The following FGGY variants were observed in gnomAD, a reference collection of about 807,000 sequenced individuals.
FGGY encodes FGGY carbohydrate kinase domain containing, also known as FGGY carbohydrate kinase domain-containing protein.
Under a neutral mutation model 71.3 loss-of-function variants are expected in FGGY, and 72 were observed. That is an observed-to-expected ratio of 1.01 (90% confidence interval 0.84 to 1.23). The LOEUF (loss-of-function observed/expected upper bound fraction) is 1.23. FGGY is among the 50% of genes most tolerant of loss of function. The pLI is 0.00. For synonymous variants in FGGY, 251 were observed against 250.3 expected (o/e 1.00, Z -0.02); for missense variants, 668 against 682.3 (o/e 0.98, Z 0.23).
rs71580898 is a variant in FGGY at position 59,346,947 on chromosome 1, CTTT to C, written c.465+568_465+570del. 6.2e-5 allele frequency among the ~76,000 whole-genome samples: 7 copies of C among 112,184 alleles called. No individual in the cohort carries two copies. The South Asian group carries it at 1.2e-3, about 19-fold the overall frequency. 73.6% of individuals were successfully genotyped at this position (112,184 alleles called of 152,430 possible). ...TGTGCCCGGCCATCCAAAATCAATT[CTTT>C]TTTTTTTTTTTTTTTTTTAAGTATC... is the stretch of plus-strand genomic sequence containing the variant. On this transcript the variant is annotated intron_variant, in intron 4 of 15. Transcript: ENST00000303721.
chr1:59,716,769 T>C lies in FGGY; in HGVS notation c.1513-41162T>C, dbSNP rs7517070. ...AAGTTTCCTGGTCAAATGTGAACTGTGCCTTGAATGACAGACTGAATTTAA... is the reference window on the plus strand; with the variant it reads ...AAGTTTCCTGGTCAAATGTGAACTGCGCCTTGAATGACAGACTGAATTTAA... On this transcript the variant is annotated intron_variant, in intron 14 of 15. Coordinates refer to ENST00000303721, the MANE Select transcript of FGGY (RefSeq NM_018291.5). Among the ~76,000 whole-genome samples the C allele has an allele frequency of 7.4e-3, 1,126 of 152,292 alleles. 12 individuals carry two copies. Among genetic ancestry groups the C allele is most frequent in the African/African-American group, 0.025 (1,034 of 41,572 alleles).
At chr1:59,441,676 A>G (rs765302639) in intron 5 of FGGY, among the ~76,000 whole-genome samples, 1 of 152,180 alleles carries the variant, frequency 6.6e-6, no homozygotes, top group Non-Finnish European at 1.5e-5. Flanking sequence ...AATTTATGAG[A>G]TAATTACTAC....
intron 7 of FGGY, among the ~76,000 whole-genome samples, chr1:59,516,437 A>G (rs1421778972): frequency 6.6e-6 from 1 of 152,236 alleles, no homozygotes; most frequent in African/African-American, 2.4e-5. Context: ...GCTTAATAGT[A>G]TAGGTTTGGG....
At chr1:59,628,915 CATTTCATAAGGTTGTTG>C (rs1398240341) in intron 10 of FGGY, among the ~76,000 whole-genome samples, 6 of 152,088 alleles carry the variant, frequency 3.9e-5, no homozygotes, top group Admixed American at 2.0e-4. Context: ...TAATAGTAAA[CATTTCATAAGGTTGTTG>C]AGAAAATTAA....
At chr1:59,593,734 G>A (rs2096485711) in intron 8 of FGGY, among the ~76,000 whole-genome samples, 1 of 152,118 alleles carries the variant, frequency 6.6e-6, no homozygotes, top group Admixed American at 6.5e-5. Context: ...TGCATTAACT[G>A]TTAGATATCC....
chr1:59,652,816 G>A (rs991924603), intron 11 of FGGY, among the ~76,000 whole-genome samples: 2 of 152,192 alleles, frequency 1.3e-5, no homozygotes, highest in Admixed American at 1.3e-4. Flanking sequence ...TCCTTTGGAG[G>A]AGGAGAGACG....
chr1:59,643,763 A>G (rs939220280), intron 11 of FGGY, among the ~76,000 whole-genome samples: 4 of 152,220 alleles, frequency 2.6e-5, no homozygotes, highest in African/African-American at 9.6e-5. Context: ...GGATAGGAGC[A>G]ATGGCTTATT....
chr1:59,762,411 C>T, intron 15 of FGGY, 92 bp from the exon 16 acceptor site: 1 of 919,190 alleles, frequency 1.1e-6, no homozygotes, highest in South Asian at 1.6e-5. Context: ...GCATCACCAC[C>T]ACACATATAT....
chr1:59,638,262 C>A lies in FGGY; in HGVS notation c.1108C>A (p.Leu370Met). 1 of 1,614,162 alleles carries A rather than the reference C, an allele frequency of 6.2e-7. No individual in the cohort carries two copies. The highest frequency in any genetic ancestry group is 1.3e-5 in the African/African-American group (1 of 75,040). ...TATATATGCATATTTGAACAGTCAC[C>A]TGGATCTGATTAAGAAGGCTCAGCC... Reference protein sequence around the residue: ...QSIYAYLNSHLDLIKKAQPVG... With the variant: ...QSIYAYLNSHMDLIKKAQPVG... Residue 370 changes from leucine (L) to methionine (M), a missense_variant, in exon 11 of 16, where the codon CTG becomes ATG. Leu to Met is a conservative substitution (Grantham distance 15). Coordinates refer to ENST00000303721, the MANE Select transcript of FGGY (RefSeq NM_018291.5).
intron 5 of FGGY, 81 bp downstream of exon 5, chr1:59,378,918 TTGAC>T: frequency 8.6e-7 from 1 of 1,163,168 alleles, no homozygotes; most frequent in South Asian, 1.3e-5. Context: ...TTAACTCTCT[TTGAC>T]TGGATATACT....
At chr1:59,700,699 G>C (rs1029097678) in intron 14 of FGGY, among the ~76,000 whole-genome samples, 7 of 152,126 alleles carry the variant, frequency 4.6e-5, no homozygotes, top group African/African-American at 1.2e-4. Context: ...ATTCAGTTGG[G>C]AAGATCCTAA....
chr1:59,554,315 C>A, intron 8 of FGGY, 88 bp downstream of exon 8: 1 of 962,522 alleles, frequency 1.0e-6, no homozygotes, highest in Non-Finnish European at 1.6e-6. Flanking sequence ...TTCACCCTTT[C>A]ACTTCTTTCC....
intron 7 of FGGY, among the ~76,000 whole-genome samples, chr1:59,551,699 G>C (rs1051171861): frequency 1.1e-4 from 16 of 152,056 alleles, no homozygotes; most frequent in Non-Finnish European, 1.9e-4. Flanking sequence ...AGTTCCTTGT[G>C]AGCTGCATGA....
chr1:59,756,804 A>G (rs1426427544), intron 14 of FGGY, among the ~76,000 whole-genome samples: 3 of 152,296 alleles, frequency 2.0e-5, no homozygotes, highest in South Asian at 2.1e-4. Context: ...AAATCAGTCA[A>G]TCAGTCACAG....
chr1:59,688,587 A>T (rs2097563854), intron 14 of FGGY, among the ~76,000 whole-genome samples: 1 of 152,194 alleles, frequency 6.6e-6, no homozygotes, highest in Non-Finnish European at 1.5e-5. Flanking sequence ...CAGATGACAA[A>T]GCAGAATCAA....
chr1:59,669,937 G>A (rs969492838), intron 13 of FGGY, among the ~76,000 whole-genome samples: 6 of 152,090 alleles, frequency 3.9e-5, no homozygotes, highest in African/African-American at 9.7e-5. Context: ...GGAGTGCAGC[G>A]GCTTCACAGA....
At chr1:59,422,974 C>T (rs183163854) in intron 5 of FGGY, among the ~76,000 whole-genome samples, 158 of 152,238 alleles carry the variant, frequency 1.0e-3, no homozygotes, top group African/African-American at 3.2e-3. Context: ...CCTAGAGTCA[C>T]ATAGTAAACA....
At chr1:59,666,891 T>C (rs1419824967) in intron 12 of FGGY, among the ~76,000 whole-genome samples, 1 of 152,216 alleles carries the variant, frequency 6.6e-6, no homozygotes, top group Non-Finnish European at 1.5e-5. Flanking sequence ...CAAGATACCA[T>C]TGACTCTGTT....
Position 59,680,907 on chromosome 1 carries a change from C to T in FGGY, c.1512+6774C>T, listed in dbSNP as rs1000567542. ...AAGTACACTATGGCAACTGAGACAC[C>T]TCTCACAAGGTGGTATCGTTTATAA... is the stretch of plus-strand genomic sequence containing the variant. On this transcript the variant is annotated intron_variant, in intron 14 of 15. Transcript: ENST00000303721. 5.9e-5 allele frequency: 9 copies of T among 152,138 alleles called. No individual in the cohort carries two copies. The East Asian group carries it at 1.7e-3, about 29-fold the overall frequency. 9.4% of individuals were successfully genotyped at this position (152,138 alleles called of 1,614,324 possible).
Sources: allele counts gnomAD v4.1 joint callset (sites outside exome capture counted in the v4.1 genomes callset), GRCh38; gene constraint gnomAD v4.1.1; transcripts MANE v1.5; gene names NCBI Gene and HGNC (gene_info 2026-07-23, HGNC 2026-07-21).